SETDB1: variants seen among roughly 807,000 people sequenced by gnomAD.
The protein encoded by SETDB1 is SET domain bifurcated histone lysine methyltransferase 1, also known as histone-lysine N-methyltransferase SETDB1.
A neutral mutation model predicts 137.4 loss-of-function variants in SETDB1; 31 were observed. The ratio of observed to expected loss-of-function variants is 0.23; its 90% CI spans 0.17 to 0.30. SETDB1 has a LOEUF of 0.30. SETDB1 is among the 10% of genes least tolerant of loss of function. The pLI is 1.00. For missense variants in SETDB1, 1,113 were observed against 1,631.5 expected (o/e 0.68, Z 5.47); for synonymous variants, 548 against 579.9 (o/e 0.95, Z 0.79).
intron 7 of SETDB1, among the ~76,000 whole-genome samples, chr1:150,943,435 G>C (rs1325289763): frequency 6.6e-6 from 1 of 152,196 alleles, no homozygotes; most frequent in East Asian, 1.9e-4. Context: ...TTAGCACTTT[G>C]GGAGGCCAAG....
chr1:150,945,713 C>G (rs768453851), intron 9 of SETDB1, among the ~76,000 whole-genome samples: 1 of 152,068 alleles, frequency 6.6e-6, no homozygotes, highest in African/African-American at 2.4e-5. Flanking sequence ...CCTTATCATG[C>G]TTTTTGTTTG....
At chr1:150,956,780 A>G (rs1259592801) in intron 14 of SETDB1, among the ~76,000 whole-genome samples, 1 of 151,908 alleles carries the variant, frequency 6.6e-6, no homozygotes, top group Admixed American at 6.6e-5. Flanking sequence ...CTTGCTCCCA[A>G]AGTGCTGGGA....
intron 3 of SETDB1, among the ~76,000 whole-genome samples, chr1:150,933,214 C>CA (rs141710594): frequency 1.3e-5 from 2 of 151,986 alleles, no homozygotes; most frequent in African/African-American, 4.8e-5. Flanking sequence ...TACATGCCGC[C>CA]ACGCCCAGCT....
At chr1:150,952,711 C>T (rs1214417889) in intron 14 of SETDB1, among the ~76,000 whole-genome samples, 5 of 151,070 alleles carry the variant, frequency 3.3e-5, no homozygotes, top group Non-Finnish European at 5.9e-5. Flanking sequence ...GAAATCCCGT[C>T]TCTACTAAAA....
At chr1:150,949,316 T>C in intron 11 of SETDB1, 38 bp downstream of exon 11, 2 of 1,612,532 alleles carry the variant, frequency 1.2e-6, no homozygotes, top group Non-Finnish European at 1.7e-6. Context: ...GTTTCTTTCA[T>C]ATTATATTTT....
chr1:150,933,296 G>A (rs587642306), intron 3 of SETDB1, among the ~76,000 whole-genome samples: 4 of 151,572 alleles, frequency 2.6e-5, no homozygotes, highest in South Asian at 4.2e-4. Flanking sequence ...CTGAGCTCAG[G>A]CAATCCTCCT....
intron 7 of SETDB1, 152 bp downstream of exon 7, chr1:150,943,205 G>A (rs1440086012): frequency 6.6e-6 from 4 of 602,266 alleles, no homozygotes; most frequent in Non-Finnish European, 8.8e-6. Flanking sequence ...GAGTCATGTG[G>A]GTGATTCTTT....
intron 4 of SETDB1, among the ~76,000 whole-genome samples, 190 bp downstream of exon 4, chr1:150,940,164 G>C (rs886570568): frequency 1.3e-5 from 2 of 152,214 alleles, no homozygotes; most frequent in Non-Finnish European, 2.9e-5. Context: ...GCTTTCACTA[G>C]AAAGGAGTGT....
chr1:150,932,614 T>C (rs1669794848), intron 3 of SETDB1, among the ~76,000 whole-genome samples: 1 of 152,226 alleles, frequency 6.6e-6, no homozygotes, highest in Non-Finnish European at 1.5e-5. Flanking sequence ...TTTATTCAGC[T>C]TCTGGACTTT....
intron 5 of SETDB1, among the ~76,000 whole-genome samples, chr1:150,941,686 G>A (rs987146497): frequency 1.3e-5 from 2 of 152,092 alleles, no homozygotes; most frequent in Non-Finnish European, 2.9e-5. Context: ...GAATCACTCA[G>A]ACTCTTGTTA....
At chr1:150,946,743 C>G in intron 9 of SETDB1, 143 bp from the exon 10 acceptor site, 2 of 895,448 alleles carry the variant, frequency 2.2e-6, no homozygotes, top group Non-Finnish European at 1.7e-6. Context: ...GCGTGAGCCA[C>G]TGTGCTTAGC....
At chr1:150,944,056 A>C in intron 8 of SETDB1, 63 bp downstream of exon 8, 1 of 1,127,358 alleles carries the variant, frequency 8.9e-7, no homozygotes, top group Non-Finnish European at 1.4e-6. Flanking sequence ...TCTTCTTAGG[A>C]CATCCAGTTG....
intron 10 of SETDB1, among the ~76,000 whole-genome samples, 173 bp downstream of exon 10, chr1:150,947,185 A>T (rs1670356084): frequency 6.6e-6 from 1 of 152,216 alleles, no homozygotes. Flanking sequence ...CTGCTTCCAC[A>T]TGCTGTGGCT....
At position 150,960,724 on chromosome 1, in the gene SETDB1, C is replaced by G; in HGVS notation, c.2665C>G (p.Gln889Glu). 2 of 1,611,016 alleles carry G rather than the reference C, an allele frequency of 1.2e-6. No homozygotes were observed. The highest frequency in any genetic ancestry group is 1.7e-6 in the Non-Finnish European group (2 of 1,178,658). ...CAGCAGTGGTGTAGACTTGAAGGAC[C>G]AGGAAGATGGCAACAGCGGTACAGA... ...SDSSGVDLKD[Q>E]EDGNSGTEDP... Residue 889 changes from glutamine (Q) to glutamate (E), a missense_variant, in exon 16 of 22, where the codon CAG becomes GAG. Transcript: ENST00000692827.
chr1:150,963,961 T>C, intron 20 of SETDB1, 34 bp from the exon 21 acceptor site: 1 of 1,595,558 alleles, frequency 6.3e-7, no homozygotes, highest in Middle Eastern at 1.7e-4. Flanking sequence ...TCAGTTTCCC[T>C]GGTTCTTATT....
Position 150,962,713 on chromosome 1 carries a change from C to A in SETDB1, c.3288C>A (p.Asn1096Lys). 1.2e-6 allele frequency: 2 copies of A among 1,613,988 alleles called. No homozygotes were observed. The highest frequency in any genetic ancestry group is 1.7e-6 in the Non-Finnish European group (2 of 1,179,944). The stretch of plus-strand genomic sequence containing the variant: ...GACTCATGGCTTCTGCTCAGTCCAA[C>A]CCTGATGTAAGTCACCTCAAGCTTA... ...SRRLMASAQS[N>K]PDDVLTLSSS... The change falls in exon 18 of 22, where the codon AAC becomes AAA. Residue 1096 changes from asparagine (N) to lysine (K), a missense_variant. Physicochemically the swap from Asn to Lys is moderately conservative, Grantham distance 94. Coordinates refer to ENST00000692827, the MANE Select transcript of SETDB1 (RefSeq NM_001366418.1).
chr1:150,963,513 T>C lies in SETDB1; in HGVS notation c.3461-17T>C, dbSNP rs1383948727. On this transcript the variant is annotated splice_polypyrimidine_tract_variant and intron_variant, in intron 19 of 21. Coordinates refer to ENST00000692827, the MANE Select transcript of SETDB1 (RefSeq NM_001366418.1). ...TGAGTTGGGATGGGTCCTGACCCCA[T>C]TCTCCCTCCTGTCCAGGTCCAATGA... 1.9e-6 allele frequency: 3 copies of C among 1,598,014 alleles called. No individual in the cohort carries two copies. The highest frequency in any genetic ancestry group is 2.6e-6 in the Non-Finnish European group (3 of 1,170,332).
intron 3 of SETDB1, among the ~76,000 whole-genome samples, chr1:150,933,822 T>C (rs2102654215): frequency 7.2e-6 from 1 of 139,804 alleles, no homozygotes; most frequent in East Asian, 2.2e-4. Flanking sequence ...TCGCTCTTGT[T>C]GTCTAGGCTG....
rs1212041551 is a variant in SETDB1 at position 150,945,114 on chromosome 1, G to A, written c.1140+6G>A. 5 of 1,613,836 alleles carry A rather than the reference G, an allele frequency of 3.1e-6. No individual in the cohort carries two copies. In the African/African-American group the frequency reaches 5.3e-5, roughly 17 times the overall value. On this transcript the variant is annotated splice_donor_region_variant and intron_variant, in intron 9 of 21. Coordinates refer to ENST00000692827, the MANE Select transcript of SETDB1 (RefSeq NM_001366418.1). The stretch of plus-strand genomic sequence containing the variant: ...TAGTCAGGATCCTCTTCCTGGTACT[G>A]TTCTTCTCTACAATTTTGGAGGCAG...
Sources: allele counts gnomAD v4.1 joint callset (sites outside exome capture counted in the v4.1 genomes callset), GRCh38; gene constraint gnomAD v4.1.1; transcripts MANE v1.5; gene names NCBI Gene and HGNC (gene_info 2026-07-23, HGNC 2026-07-21).